SRFBP1: variants seen among roughly 807,000 people sequenced by gnomAD.
SRFBP1 encodes serum response factor binding protein 1.
A neutral mutation model predicts 45.5 loss-of-function variants in SRFBP1; 47 were observed. The ratio of observed to expected loss-of-function variants is 1.03; its 90% CI spans 0.82 to 1.32. The LOEUF (loss-of-function observed/expected upper bound fraction) is 1.32, where lower values mean the gene tolerates loss of function less well. Among genes scored for constraint, SRFBP1 ranks in the 40% most tolerant of loss-of-function variants. The pLI is 0.00. For synonymous variants in SRFBP1, 203 were observed against 166.3 expected, an observed-to-expected ratio of 1.22 and a Z score of -1.70; for missense variants, 621 against 484.6, an observed-to-expected ratio of 1.28 and a Z score of -2.64.
intron 3 of SRFBP1, among the ~76,000 whole-genome samples, chr5:121,987,253 C>G (rs1033857380): frequency 6.6e-6 from 1 of 152,068 alleles, no homozygotes; most frequent in Non-Finnish European, 1.5e-5. Flanking sequence ...AGTGAAGGGA[C>G]TCCCAGTATC....
chr5:122,041,432 T>C (rs987077471), intron 2 of SRFBP1, among the ~76,000 whole-genome samples: 1 of 152,148 alleles, frequency 6.6e-6, no homozygotes, highest in Non-Finnish European at 1.5e-5. Context: ...TTTGGGCTCT[T>C]GGTCTTTTTC....
intron 2 of SRFBP1, among the ~76,000 whole-genome samples, chr5:122,043,459 G>A (rs115605974): frequency 2.0e-5 from 3 of 152,022 alleles, no homozygotes; most frequent in South Asian, 2.1e-4. Flanking sequence ...CAAGTGATCC[G>A]CCCACTTCAG....
chr5:122,018,683 A>T (rs78263632), intron 4 of SRFBP1, among the ~76,000 whole-genome samples: 6,745 of 152,236 alleles, frequency 0.044, 174 homozygotes, highest in African/African-American at 0.06. Flanking sequence ...ATTTCAAGTC[A>T]TTAGCCGGCA....
intron 2 of SRFBP1, among the ~76,000 whole-genome samples, chr5:122,044,062 G>A (rs770447148): frequency 7.9e-5 from 12 of 151,984 alleles, no homozygotes; most frequent in Non-Finnish European, 1.3e-4. Context: ...TAGTAGCCAC[G>A]TGTTCTCATT....
chr5:122,053,141 G>A (rs947962008), intron 2 of SRFBP1, among the ~76,000 whole-genome samples: 1 of 152,258 alleles, frequency 6.6e-6, no homozygotes, highest in Middle Eastern at 3.4e-3. Context: ...GCCCTCATAT[G>A]TTGTTCCTGT....
chr5:122,021,537 A>G lies in SRFBP1; in HGVS notation c.1067+735A>G, dbSNP rs1580531231. Among the ~76,000 whole-genome samples, 3 of 152,292 alleles carry G rather than the reference A, an allele frequency of 2.0e-5. No homozygotes were observed. The East Asian group carries it at 5.8e-4, about 29-fold the overall frequency. On this transcript the variant is annotated intron_variant, in intron 6 of 7. Coordinates refer to ENST00000339397, the MANE Select transcript of SRFBP1 (RefSeq NM_152546.3). The stretch of plus-strand genomic sequence containing the variant: ...TCAAAAATGTCACAGTATGGCAAAG[A>G]CATAAAAACGTGTGGAGTGTTGAAA...
chr5:121,997,736 A>G (rs1752761533), intron 4 of SRFBP1, among the ~76,000 whole-genome samples: 1 of 151,922 alleles, frequency 6.6e-6, no homozygotes, highest in Non-Finnish European at 1.5e-5. Context: ...GCAACCTGCA[A>G]AATGGGAGAA....
chr5:122,077,175 G>T, downstream of SRFBP1: 4 of 1,463,526 alleles, frequency 2.7e-6, no homozygotes, highest in South Asian at 5.7e-5. This position sits in a 1 kb window ranked among gnomAD's most constrained non-coding sequence, Gnocchi z 4.9. Context: ...ATGTGAAAAG[G>T]AAGCAGGAGG....
At chr5:121,990,716 C>A (rs769639286) in intron 3 of SRFBP1, among the ~76,000 whole-genome samples, 1 of 152,176 alleles carries the variant, frequency 6.6e-6, no homozygotes, top group Non-Finnish European at 1.5e-5. Context: ...ACACTCTAGG[C>A]TCTTTGTTCC....
intron 4 of SRFBP1, among the ~76,000 whole-genome samples, chr5:122,005,407 C>T (rs1752955150): frequency 6.6e-6 from 1 of 152,218 alleles, no homozygotes; most frequent in Admixed American, 6.5e-5. Context: ...ACTCTGGTCT[C>T]ATTGTACAAT....
downstream of SRFBP1, among the ~76,000 whole-genome samples, chr5:122,032,934 T>A (rs1368769343): frequency 2.0e-5 from 3 of 152,134 alleles, no homozygotes; most frequent in Admixed American, 6.5e-5. Context: ...TTGTTTTTTT[T>A]ATTTGTTTTT....
At chr5:121,975,474 G>A in intron 3 of SRFBP1, 87 bp downstream of exon 3, 1 of 1,412,900 alleles carries the variant, frequency 7.1e-7, no homozygotes. Context: ...TTGCTTATTT[G>A]AATATTCCCG....
intron 4 of SRFBP1, among the ~76,000 whole-genome samples, 186 bp downstream of exon 4, chr5:121,994,856 A>G (rs531400652): frequency 6.6e-6 from 1 of 152,072 alleles, no homozygotes; most frequent in African/African-American, 2.4e-5. Flanking sequence ...TTTTGCTGTA[A>G]TATCATACCT....
At chr5:122,024,757 T>C (rs1257042538) in intron 7 of SRFBP1, among the ~76,000 whole-genome samples, 2 of 152,212 alleles carry the variant, frequency 1.3e-5, no homozygotes, top group East Asian at 1.9e-4. Context: ...ACTGTAAATA[T>C]AAGACATACC....
downstream of SRFBP1, chr5:122,077,157 G>T (rs1754662937): frequency 1.4e-6 from 2 of 1,466,406 alleles, no homozygotes; most frequent in East Asian, 4.9e-5. The surrounding 1 kb of genome is among the most constrained non-coding windows in gnomAD (Gnocchi z 4.9). Flanking sequence ...GCCCGGGACT[G>T]CAAAGCAATG....
intron 3 of SRFBP1, among the ~76,000 whole-genome samples, chr5:121,992,625 T>TA (rs1752641847): frequency 2.0e-5 from 3 of 152,126 alleles, no homozygotes; most frequent in African/African-American, 7.2e-5. Flanking sequence ...GCACACAATG[T>TA]GTAATTAATC....
intron 2 of SRFBP1, among the ~76,000 whole-genome samples, chr5:122,037,083 A>C (rs895287716): frequency 6.6e-6 from 1 of 152,002 alleles, no homozygotes; most frequent in Admixed American, 6.6e-5. Context: ...TTTTTGGTAG[A>C]AACAGGGTTT....
chr5:122,003,897 A>C (rs1752927935), intron 4 of SRFBP1, among the ~76,000 whole-genome samples: 1 of 152,004 alleles, frequency 6.6e-6, no homozygotes, highest in African/African-American at 2.4e-5. Context: ...GCCTATTTTT[A>C]ATTGGGTTGT....
rs769588927 is a variant in SRFBP1, at chr5:122,022,349, A to G, written c.1068-21A>G. 5 of 1,598,426 alleles carry G rather than the reference A, an allele frequency of 3.1e-6. No homozygotes were observed. In the Admixed American group the frequency reaches 6.8e-5, roughly 22 times the overall value. ...GAGGATTTATCTTTAAAAAGTCATA[A>G]TGGTGTTTTTCTTCTTTTAGAAATT... On this transcript the variant is annotated intron_variant, in intron 6 of 7. Transcript: ENST00000339397.
Sources: allele counts gnomAD v4.1 joint callset (sites outside exome capture counted in the v4.1 genomes callset), GRCh38; gene constraint gnomAD v4.1.1; non-coding constraint Gnocchi (gnomAD v3.1); transcripts MANE v1.5; gene names NCBI Gene and HGNC (gene_info 2026-07-23, HGNC 2026-07-21).